The following PI4KA variants were observed in gnomAD, a reference collection of about 807,000 sequenced individuals.
The protein encoded by PI4KA is phosphatidylinositol 4-kinase alpha, also known as PI4-kinase alpha.
Under a neutral mutation model 271.4 loss-of-function variants are expected in PI4KA, and 122 were observed. The ratio of observed to expected loss-of-function variants is 0.45; its 90% CI spans 0.39 to 0.52. The LOEUF (loss-of-function observed/expected upper bound fraction) is 0.52. Ranked by LOEUF, PI4KA falls within the 20% of genes least tolerant of loss-of-function variation. The pLI is 0.00. For synonymous variants in PI4KA, 1,041 were observed against 1,078.8 expected (o/e 0.96, Z 0.69); for missense variants, 1,969 against 2,769.1 (o/e 0.71, Z 6.48).
At chr22:20,752,665 C>T (rs1471710170) in intron 25 of PI4KA, among the ~76,000 whole-genome samples, 1 of 152,094 alleles carries the variant, frequency 6.6e-6, no homozygotes, top group African/African-American at 2.4e-5. Flanking sequence ...GATGTGGCAC[C>T]CAGCAAATGT....
chr22:20,786,787 C>A, intron 19 of PI4KA: 1 of 1,324,182 alleles, frequency 7.6e-7, no homozygotes, highest in Non-Finnish European at 1.1e-6. Flanking sequence ...TCTTTGGATC[C>A]TTTCCCTGAA....
At chr22:20,720,025 C>CA (rs869149471) in intron 43 of PI4KA, among the ~76,000 whole-genome samples, 757 of 35,134 alleles carry the variant, frequency 0.022, 20 homozygotes, top group Middle Eastern at 0.04. Context: ...GACTCTGTCT[C>CA]AAAAAAAAAA....
rs142226928 is a variant in PI4KA, at chr22:20,765,925, G to T, written c.2329-232C>A. 3.0e-3 allele frequency among the ~76,000 whole-genome samples: 461 copies of T among 152,306 alleles called. 4 individuals carry two copies. The highest frequency in any genetic ancestry group is 0.011 in the African/African-American group (446 of 41,564). On this transcript the variant is annotated intron_variant, in intron 19 of 54. Coordinates refer to ENST00000255882, the MANE Select transcript of PI4KA (RefSeq NM_058004.4). ...GCTGTGCCAGGGAGGAAAAAGCCCT[G>T]TTCCTGCACTTGAAGGACTTCCTGT...
rs1481573927 is a variant in PI4KA, at chr22:20,721,356, C to T, written c.5058G>A (p.Gln1686=). The change falls in exon 43 of 55, where the codon CAG becomes CAA. Residue 1686 remains glutamine, a synonymous_variant. Coordinates refer to ENST00000255882, the MANE Select transcript of PI4KA (RefSeq NM_058004.4). ...AASKSQLLAH[Q]FIWNMKTNIY... ...TGTTAGTCTTCATGTTCCAGATGAA[C>T]TGGTGTGCCAGAAGCTGGGATTTAG... The T allele has an allele frequency of 6.2e-7, 1 of 1,613,762 alleles. No homozygotes were observed. Among genetic ancestry groups the T allele is most frequent in the Admixed American group, 1.7e-5 (1 of 60,022 alleles).
chr22:20,820,946 C>T (rs1922579038), intron 4 of PI4KA, among the ~76,000 whole-genome samples: 1 of 152,210 alleles, frequency 6.6e-6, no homozygotes. Flanking sequence ...CATGGGTAAA[C>T]GCCCTAGCGC....
At chr22:20,742,952 T>A (rs1339306791) in intron 30 of PI4KA, 188 bp from the exon 31 acceptor site, 26 of 549,188 alleles carry the variant, frequency 4.7e-5, no homozygotes, top group East Asian at 9.4e-5. Context: ...TTTTTTTTTT[T>A]AAAGAACAGC....
intron 53 of PI4KA, 112 bp from the exon 54 acceptor site, chr22:20,709,491 GA>G (rs1437386709): frequency 1.3e-6 from 1 of 750,616 alleles, no homozygotes; most frequent in Non-Finnish European, 2.4e-6. Context: ...CCACGCCCTG[GA>G]AATGTACCTT....
At chr22:20,825,381 G>A (rs1042459204) in intron 3 of PI4KA, among the ~76,000 whole-genome samples, 16 of 152,172 alleles carry the variant, frequency 1.1e-4, no homozygotes, top group African/African-American at 3.9e-4. Flanking sequence ...GATCACTTGA[G>A]GCCAGGAGTT....
intron 2 of PI4KA, 107 bp downstream of exon 2, chr22:20,838,508 A>G: frequency 1.4e-6 from 1 of 711,544 alleles, no homozygotes. Flanking sequence ...TTAGGTTCAA[A>G]TGTATTCTTC....
At chr22:20,819,087 AT>A (rs1158671511) in intron 6 of PI4KA, among the ~76,000 whole-genome samples, 1 of 152,216 alleles carries the variant, frequency 6.6e-6, no homozygotes, top group East Asian at 1.9e-4. Flanking sequence ...TACACTATTT[AT>A]TGAGTATAAT....
intron 27 of PI4KA, among the ~76,000 whole-genome samples, chr22:20,750,975 C>T (rs1478022836): frequency 1.3e-5 from 2 of 152,214 alleles, no homozygotes; most frequent in African/African-American, 4.8e-5. Context: ...GCTTGTGCGA[C>T]GCAGACTCGA....
intron 29 of PI4KA, 179 bp downstream of exon 29, chr22:20,747,404 G>T: frequency 2.0e-6 from 1 of 501,952 alleles, no homozygotes; most frequent in South Asian, 4.4e-5. Context: ...CATTTCAATG[G>T]CCACCTCTTC....
At chr22:20,810,719 A>T (rs1435438588) in intron 9 of PI4KA, among the ~76,000 whole-genome samples, 1 of 152,090 alleles carries the variant, frequency 6.6e-6, no homozygotes, top group Non-Finnish European at 1.5e-5. Flanking sequence ...GTTCTCACTA[A>T]AACTCTATCT....
At position 20,768,089 on chromosome 22, in the gene PI4KA, C is replaced by T. The variant is rs143830788; in HGVS notation, c.2329-2396G>A. 6.6e-3 allele frequency among the ~76,000 whole-genome samples: 1,011 copies of T among 152,196 alleles called. 10 individuals are homozygous for T. The highest frequency in any genetic ancestry group is 0.011 in the Non-Finnish European group (729 of 68,006). Reference sequence around the variant, plus strand: ...GCCACTTCACACTTGCAGGGCTGCACGGCAGCTAGGCAAAGGTGTTCCTCA... The same window carrying T: ...GCCACTTCACACTTGCAGGGCTGCATGGCAGCTAGGCAAAGGTGTTCCTCA... On this transcript the variant is annotated intron_variant, in intron 19 of 54. Transcript: ENST00000255882.
At chr22:20,820,633 G>GAAA in intron 4 of PI4KA, 22 bp from the exon 5 acceptor site, 2 of 1,378,394 alleles carry the variant, frequency 1.5e-6, no homozygotes, top group Non-Finnish European at 2.0e-6. Flanking sequence ...AAGGAAACAA[G>GAAA]AAAAAAAAAA....
intron 1 of PI4KA, among the ~76,000 whole-genome samples, chr22:20,849,051 A>T (rs1382648861): frequency 6.6e-6 from 1 of 152,236 alleles, no homozygotes; most frequent in Admixed American, 6.5e-5. Flanking sequence ...GAAGATCTAC[A>T]AATACCCCAA....
chr22:20,843,671 ACT>A (rs1464861226), intron 1 of PI4KA, among the ~76,000 whole-genome samples: 2 of 152,162 alleles, frequency 1.3e-5, no homozygotes, highest in Non-Finnish European at 2.9e-5. Flanking sequence ...GCAAACGTTC[ACT>A]TTCAGGCAGG....
intron 29 of PI4KA, among the ~76,000 whole-genome samples, chr22:20,746,690 C>T (rs1930153891): frequency 6.6e-6 from 1 of 152,216 alleles, no homozygotes; most frequent in African/African-American, 2.4e-5. Flanking sequence ...GAGTAGGAGG[C>T]CCAGGGCGGG....
chr22:20,725,803 G>A (rs1422367827), intron 42 of PI4KA: 4 of 289,250 alleles, frequency 1.4e-5, no homozygotes, highest in Non-Finnish European at 2.1e-5. Context: ...GGGGTAGCGG[G>A]GAAGGTGCTG....
Sources: allele counts gnomAD v4.1 joint callset (sites outside exome capture counted in the v4.1 genomes callset), GRCh38; gene constraint gnomAD v4.1.1; transcripts MANE v1.5; gene names NCBI Gene and HGNC (gene_info 2026-07-23, HGNC 2026-07-21).